Variants in RBM41 observed in about 807,000 individuals in gnomAD.
RBM41 encodes the protein RNA binding motif protein 41, also known as RNA-binding protein 41.
RBM41 carries 14 observed loss-of-function variants against 30.8 expected under a neutral mutation model. That is an observed-to-expected ratio of 0.45 (90% confidence interval 0.30 to 0.71). The LOEUF (loss-of-function observed/expected upper bound fraction) is 0.71. Among genes scored for constraint, RBM41 ranks in the 30% least tolerant of loss-of-function variants. The pLI is 0.08. For synonymous variants in RBM41, 120 were observed against 110.1 expected, an observed-to-expected ratio of 1.09 and a Z score of -0.56; for missense variants, 276 against 326.3, an observed-to-expected ratio of 0.85 and a Z score of 1.19.
downstream of RBM41, among the ~76,000 whole-genome samples, chrX:107,061,305 T>C (rs1374091360): frequency 4.5e-5 from 5 of 112,161 alleles, no homozygotes; most frequent in African/African-American, 1.3e-4. Context: ...AGTGAGGATA[T>C]ATGACAACTC....
intron 5 of RBM41, 132 bp downstream of exon 5, chrX:107,113,265 A>T: frequency 2.6e-6 from 2 of 764,983 alleles, no homozygotes; most frequent in South Asian, 6.0e-5. Context: ...ATTCTGTATC[A>T]GGATAATATG....
At chrX:107,115,182 T>C (rs1318120847) in intron 4 of RBM41, 170 bp downstream of exon 4, 8 of 495,020 alleles carry the variant, frequency 1.6e-5, no homozygotes, top group Non-Finnish European at 2.4e-5. Context: ...CATGTTGTCA[T>C]GCAACTAACT....
At chrX:107,068,902 C>T (rs770876666) in intron 7 of RBM41, among the ~76,000 whole-genome samples, 39 of 111,868 alleles carry the variant, frequency 3.5e-4, no homozygotes, top group Non-Finnish European at 6.8e-4. Context: ...AAAGGAACAG[C>T]GCATAAGCCA....
chrX:107,090,353 GAC>G (rs1186575805), intron 5 of RBM41, among the ~76,000 whole-genome samples: 1 of 111,802 alleles, frequency 8.9e-6, no homozygotes, highest in Admixed American at 9.5e-5. Flanking sequence ...CAGCCTGGGC[GAC>G]AGAGTGAGAC....
chrX:107,067,828 T>C, intron 7 of RBM41, 135 bp from the exon 8 acceptor site: 1 of 742,533 alleles, frequency 1.3e-6, no homozygotes, highest in Non-Finnish European at 1.8e-6. Context: ...TTGATCATTT[T>C]TTCTATAATC....
At chrX:107,067,971 A>C (rs758620899) in intron 7 of RBM41, among the ~76,000 whole-genome samples, 24 of 111,984 alleles carry the variant, frequency 2.1e-4, no homozygotes, top group Non-Finnish European at 4.1e-4. Flanking sequence ...CAGCGTGCTA[A>C]AGAAGTCTAA....
At chrX:107,078,432 T>C (rs1051131728) in intron 6 of RBM41, among the ~76,000 whole-genome samples, 6 of 111,680 alleles carry the variant, frequency 5.4e-5, no homozygotes, top group Admixed American at 9.5e-5. Context: ...CAATCACTTA[T>C]TTATATCACC....
chrX:107,117,803 G>A (rs766120921), intron 1 of RBM41, among the ~76,000 whole-genome samples: 1 of 111,841 alleles, frequency 8.9e-6, no homozygotes, highest in Non-Finnish European at 1.9e-5. Context: ...AGGGGGGAAC[G>A]AAGGGAGGGA....
rs920921823 is a variant in RBM41 at position 107,065,679 on chromosome X, T to C, written c.*1848A>G. 1.9e-6 allele frequency: 2 copies of C among 1,075,222 alleles called. No individual in the cohort carries two copies. 88.6% of individuals were successfully genotyped at this position (1,075,222 alleles called of 1,213,427 possible). ...ATTTCCTATTTCACGTTCTCTCCATTTGTTCCTGTGGATTTGTCTTACCAT... is the reference window on the plus strand; with the variant it reads ...ATTTCCTATTTCACGTTCTCTCCATCTGTTCCTGTGGATTTGTCTTACCAT... On this transcript the variant is annotated 3_prime_UTR_variant, in exon 8 of 8. Coordinates refer to ENST00000685964, the MANE Select transcript of RBM41 (RefSeq NM_001324242.2).
Position 107,067,138 on chromosome X carries a change from T to C in RBM41, c.*389A>G. ...GCAAATGGGCTCTAGTAAAGAAATA[T>C]TTCAACATTTAATTAGTTTTTTATT... is the stretch of plus-strand genomic sequence containing the variant. On this transcript the variant is annotated 3_prime_UTR_variant, in exon 8 of 8. Transcript: ENST00000685964. 3.6e-5 allele frequency: 27 copies of C among 748,788 alleles called. No homozygotes were observed. Among genetic ancestry groups the C allele is most frequent in the Non-Finnish European group, 4.1e-5 (26 of 634,014 alleles). 61.7% of individuals were successfully genotyped at this position (748,788 alleles called of 1,213,427 possible).
intron 5 of RBM41, among the ~76,000 whole-genome samples, chrX:107,108,575 AT>A (rs1924201514): frequency 1.8e-5 from 2 of 112,440 alleles, no homozygotes; most frequent in African/African-American, 6.4e-5. Flanking sequence ...TTTATGGTAA[AT>A]TGATTTTTCA....
Position 107,088,472 on chromosome X carries a change from A to T in RBM41, c.963T>A (p.Pro321=). 8.3e-7 allele frequency: 1 copy of T among 1,211,808 alleles called. No homozygotes were observed. The highest frequency in any genetic ancestry group is 1.1e-6 in the Non-Finnish European group (1 of 895,391). Reference sequence around the variant, plus strand: ...CCCCTGGATTATATGAAGAAAACATAGGAATTTTTCGGATCTCTTCCTCTG... The same window carrying T: ...CCCCTGGATTATATGAAGAAAACATTGGAATTTTTCGGATCTCTTCCTCTG... ...RLSEEEIRKI[P]MFSSYNPGEP... Residue 321 remains proline (P), a synonymous_variant, in exon 6 of 8, where the codon CCT becomes CCA. Coordinates refer to ENST00000685964, the MANE Select transcript of RBM41 (RefSeq NM_001324242.2).
chrX:107,078,063 T>C (rs752753273), intron 6 of RBM41, among the ~76,000 whole-genome samples: 1 of 111,628 alleles, frequency 9.0e-6, no homozygotes, highest in Non-Finnish European at 1.9e-5. Flanking sequence ...TAGGTTACAT[T>C]ACATTTAGAC....
At chrX:107,113,049 G>T (rs754372363) in intron 5 of RBM41, among the ~76,000 whole-genome samples, 1 of 111,141 alleles carries the variant, frequency 9.0e-6, no homozygotes, top group Non-Finnish European at 1.9e-5. Context: ...CATTTCAAAA[G>T]TAAGAAAATA....
chrX:107,054,835 C>T, the RBM41 span, among the ~76,000 whole-genome samples: 1 of 111,941 alleles, frequency 8.9e-6, no homozygotes, highest in Non-Finnish European at 1.9e-5. Context: ...CTTGATGGCA[C>T]AAGGTTTCTG....
Position 107,108,341 on chromosome X carries a change from G to T in RBM41, c.595+5056C>A, listed in dbSNP as rs767234414. The stretch of plus-strand genomic sequence containing the variant: ...GCTATTAGGACTTGTTTGTGGGTAA[G>T]ATGAAGTTAGCACACTTCACTCCGT... On this transcript the variant is annotated intron_variant, in intron 5 of 7. Coordinates refer to ENST00000685964, the MANE Select transcript of RBM41 (RefSeq NM_001324242.2). Among the ~76,000 whole-genome samples, 3 of 111,696 alleles carry T rather than the reference G, an allele frequency of 2.7e-5. No homozygotes were observed. In the South Asian group the frequency reaches 1.1e-3, roughly 42 times the overall value.
chrX:107,087,701 G>T (rs1170940273), intron 6 of RBM41, among the ~76,000 whole-genome samples: 1 of 112,222 alleles, frequency 8.9e-6, no homozygotes, highest in Non-Finnish European at 1.9e-5. Context: ...CGCCTCCCGG[G>T]TTCAAGTGAT....
chrX:107,083,527 A>G (rs1009817280), intron 6 of RBM41, among the ~76,000 whole-genome samples: 2 of 111,234 alleles, frequency 1.8e-5, no homozygotes, highest in Non-Finnish European at 3.8e-5. Context: ...TGGTATTCCA[A>G]TAACATGTAT....
chrX:107,090,056 T>G (rs1922377404), intron 5 of RBM41, among the ~76,000 whole-genome samples: 1 of 112,277 alleles, frequency 8.9e-6, no homozygotes, highest in African/African-American at 3.2e-5. Context: ...TTACCAATTA[T>G]GAGAGTAAGA....
Sources: allele counts gnomAD v4.1 joint callset (sites outside exome capture counted in the v4.1 genomes callset), GRCh38; gene constraint gnomAD v4.1.1; transcripts MANE v1.5; gene names NCBI Gene and HGNC (gene_info 2026-07-23, HGNC 2026-07-21).